The following CNTN5 variants were observed in gnomAD, a reference collection of about 807,000 sequenced individuals.
CNTN5 encodes contactin 5, also known as contactin-5.
In CNTN5, 77 loss-of-function variants were observed where a neutral mutation model predicts 129.1. The observed-to-expected ratio is 0.60, with a 90% CI of 0.50 to 0.72. The LOEUF (loss-of-function observed/expected upper bound fraction) is 0.72, where lower values mean the gene tolerates loss of function less well. CNTN5 is among the 30% of genes least tolerant of loss of function. CNTN5 has a pLI of 0.00. For synonymous variants in CNTN5, 509 were observed against 465.6 expected, an observed-to-expected ratio of 1.09 and a Z score of -1.20; for missense variants, 1,478 against 1,328.8, an observed-to-expected ratio of 1.11 and a Z score of -1.75.
intron 9 of CNTN5, among the ~76,000 whole-genome samples, chr11:100,020,105 T>C (rs1382502811): frequency 2.0e-5 from 3 of 150,756 alleles, no homozygotes; most frequent in African/African-American, 7.3e-5. Context: ...ACTCTGTTGA[T>C]TGTTTGTTTT....
At position 99,819,730 on chromosome 11, in the gene CNTN5, A is replaced by C; in HGVS notation, c.242A>C (p.Asn81Thr). 6.8e-7 allele frequency: 1 copy of C among 1,470,984 alleles called. No individual in the cohort carries two copies. The highest frequency in any genetic ancestry group is 1.2e-5 in the South Asian group (1 of 82,068). The allele number at this position is 1,470,984 out of a possible 1,614,324, so 91.1% of individuals were successfully genotyped here. The change falls in exon 4 of 25, where the codon AAT becomes ACT. Residue 81 changes from asparagine to threonine, a missense_variant. Physicochemically the swap from Asn to Thr is moderately conservative, Grantham distance 65. Transcript: ENST00000524871. ...GAAQNYYSPI[N>T]LYHSSDAFKQ... ...GCTCAGAATTATTATTCCCCCATCA[A>C]TCTTTATCATTCCTCAGATGCCTTC...
intron 3 of CNTN5, among the ~76,000 whole-genome samples, chr11:99,649,130 T>C (rs1308837128): frequency 2.0e-5 from 3 of 151,788 alleles, no homozygotes; most frequent in African/African-American, 7.2e-5. Flanking sequence ...ATACATTTTA[T>C]GTATCAAAAC....
At chr11:100,197,982 A>AT (rs1172613747) in intron 15 of CNTN5, among the ~76,000 whole-genome samples, 2 of 151,962 alleles carry the variant, frequency 1.3e-5, no homozygotes, top group East Asian at 1.9e-4. Context: ...TTTTGAGCCC[A>AT]TTTTTTTAAT....
At chr11:99,798,151 T>C (rs1301840) in intron 3 of CNTN5, among the ~76,000 whole-genome samples, 102,170 of 151,772 alleles carry the variant, frequency 0.67, 34,513 homozygotes, top group East Asian at 0.73. Flanking sequence ...TGTTTTTCCC[T>C]CAATGTGTCC....
intron 1 of CNTN5, among the ~76,000 whole-genome samples, chr11:99,131,815 A>G (rs1157289979): frequency 3.9e-5 from 6 of 152,206 alleles, no homozygotes; most frequent in African/African-American, 2.4e-5. Context: ...GAATTTTACG[A>G]GAGGTACAAA....
intron 1 of CNTN5, among the ~76,000 whole-genome samples, chr11:99,051,204 A>C (rs909186819): frequency 2.0e-5 from 3 of 151,868 alleles, no homozygotes; most frequent in Admixed American, 6.6e-5. Flanking sequence ...ATCCTTTCTA[A>C]TTATAAGGTG....
At chr11:99,621,018 A>G (rs1950932801) in intron 3 of CNTN5, among the ~76,000 whole-genome samples, 1 of 152,142 alleles carries the variant, frequency 6.6e-6, no homozygotes, top group African/African-American at 2.4e-5. Context: ...TATGTTAGGC[A>G]AAAGGAATAC....
chr11:99,598,533 C>G (rs189201183), intron 3 of CNTN5, among the ~76,000 whole-genome samples: 3 of 150,614 alleles, frequency 2.0e-5, no homozygotes, highest in East Asian at 2.0e-4. Flanking sequence ...ATGGCAGAAG[C>G]CTTTTGCCTC....
chr11:100,061,352 C>G lies in CNTN5; in HGVS notation c.1121C>G (p.Ser374Ter). The G allele has an allele frequency of 6.2e-7, 1 of 1,600,782 alleles. No homozygotes were observed. Among genetic ancestry groups the G allele is most frequent in the East Asian group, 2.2e-5 (1 of 44,638 alleles). ...AGIYECRAENSRGKNSFRGQL... is the reference protein window; with the variant it reads ...AGIYECRAEN ...ATTTATGAGTGCAGAGCTGAAAACT[C>G]ACGTGGAAAAAATTCCTTTCGTGGA... Residue 374 changes from serine (S) to a stop codon, truncating the protein, a stop_gained, in exon 10 of 25, where the codon TCA becomes TGA. Coordinates refer to ENST00000524871, the MANE Select transcript of CNTN5 (RefSeq NM_014361.4). LOFTEE classifies it high-confidence loss of function.
intron 3 of CNTN5, among the ~76,000 whole-genome samples, chr11:99,742,414 C>G (rs1369348061): frequency 2.0e-5 from 3 of 152,176 alleles, no homozygotes; most frequent in Admixed American, 1.3e-4. Context: ...AGAAGGAAAC[C>G]TTGGTTCAGT....
At chr11:100,045,128 C>A (rs200236457) in intron 9 of CNTN5, among the ~76,000 whole-genome samples, 1 of 140,134 alleles carries the variant, frequency 7.1e-6, no homozygotes, top group Non-Finnish European at 1.6e-5. Flanking sequence ...TTTTTTTTTT[C>A]TATTCATTCT....
rs181098747 is a variant in CNTN5, at chr11:99,127,335, A to C, written c.-210+106065A>C. 7.3e-4 allele frequency among the ~76,000 whole-genome samples: 111 copies of C among 152,238 alleles called. No individual in the cohort carries two copies. In the East Asian group the frequency reaches 0.015, roughly 21 times the overall value. ...CATCTACAATGTAGATTCAGCCACA[A>C]ACCTGGATGTCATCTGTTACTCCAT... is the stretch of plus-strand genomic sequence containing the variant. On this transcript the variant is annotated intron_variant, in intron 1 of 24. Coordinates refer to ENST00000524871, the MANE Select transcript of CNTN5 (RefSeq NM_014361.4).
chr11:99,750,443 T>C lies in CNTN5; in HGVS notation c.56-69101T>C, dbSNP rs188293971. On this transcript the variant is annotated intron_variant, in intron 3 of 24. Coordinates refer to ENST00000524871, the MANE Select transcript of CNTN5 (RefSeq NM_014361.4). Reference sequence around the variant, plus strand: ...ATATTGTAACTACATCAGATTGATATATCTCTAACAAGTTTTATGAATTCC... The same window carrying C: ...ATATTGTAACTACATCAGATTGATACATCTCTAACAAGTTTTATGAATTCC... Among the ~76,000 whole-genome samples, 617 of 152,244 alleles carry C rather than the reference T, an allele frequency of 4.1e-3. 10 individuals carry two copies. The highest frequency in any genetic ancestry group is 0.014 in the African/African-American group (578 of 41,544).
chr11:99,187,568 A>T (rs1268652443), intron 1 of CNTN5, among the ~76,000 whole-genome samples: 3 of 151,852 alleles, frequency 2.0e-5, no homozygotes, highest in African/African-American at 7.2e-5. Context: ...AATTTTATGT[A>T]TTCTTATGAT....
rs531415705 is a variant in CNTN5 at position 99,340,016 on chromosome 11, C to T, written c.-71+14532C>T. On this transcript the variant is annotated intron_variant, in intron 2 of 24. Coordinates refer to ENST00000524871, the MANE Select transcript of CNTN5 (RefSeq NM_014361.4). ...TGGAGAGTTTTGAATTGAGCAATGTCGTGATTTAATTTACATTTTAAGCAA... is the reference window on the plus strand; with the variant it reads ...TGGAGAGTTTTGAATTGAGCAATGTTGTGATTTAATTTACATTTTAAGCAA... Among the ~76,000 whole-genome samples the T allele has an allele frequency of 1.2e-4, 18 of 152,040 alleles. No individual in the cohort carries two copies. The South Asian group carries it at 3.3e-3, about 28-fold the overall frequency.
chr11:99,847,230 A>C (rs185670207), intron 6 of CNTN5, among the ~76,000 whole-genome samples: 1 of 152,330 alleles, frequency 6.6e-6, no homozygotes, highest in East Asian at 1.9e-4. Context: ...TAGAGCAGAA[A>C]GCTATTTATT....
At chr11:99,198,106 T>C (rs1390172579) in intron 1 of CNTN5, among the ~76,000 whole-genome samples, 1 of 152,146 alleles carries the variant, frequency 6.6e-6, no homozygotes, top group African/African-American at 2.4e-5. Flanking sequence ...CCCACTGTCT[T>C]TGTGTATTCA....
At chr11:99,421,846 T>A (rs1457973304) in intron 2 of CNTN5, among the ~76,000 whole-genome samples, 1 of 152,106 alleles carries the variant, frequency 6.6e-6, no homozygotes, top group African/African-American at 2.4e-5. Flanking sequence ...ATATGGCTTT[T>A]ACTAGGAAAA....
Position 100,201,661 on chromosome 11 carries a change from C to T in CNTN5, c.1884+7998C>T, listed in dbSNP as rs183401099. Among the ~76,000 whole-genome samples, 233 of 152,020 alleles carry T rather than the reference C, an allele frequency of 1.5e-3. 2 individuals are homozygous for T. Among genetic ancestry groups the T allele is most frequent in the African/African-American group, 5.4e-3 (224 of 41,514 alleles). On this transcript the variant is annotated intron_variant, in intron 15 of 24. Transcript: ENST00000524871. ...CTTGTCTTTCACTATTCATATTACT[C>T]GTGAGCCTATTCCAATGAATTGAAA... is the stretch of plus-strand genomic sequence containing the variant.
Sources: allele counts gnomAD v4.1 joint callset (sites outside exome capture counted in the v4.1 genomes callset), GRCh38; gene constraint gnomAD v4.1.1; transcripts MANE v1.5; gene names NCBI Gene and HGNC (gene_info 2026-07-23, HGNC 2026-07-21).